TRPM7: variants seen among roughly 807,000 people sequenced by gnomAD.
TRPM7 encodes transient receptor potential cation channel subfamily M member 7.
Under a neutral mutation model 229.7 loss-of-function variants are expected in TRPM7, and 134 were observed. The ratio of observed to expected loss-of-function variants is 0.58; its 90% CI spans 0.51 to 0.67. The LOEUF (loss-of-function observed/expected upper bound fraction) is 0.67. Among genes scored for constraint, TRPM7 ranks in the 30% least tolerant of loss-of-function variants. The pLI, the probability that TRPM7 is intolerant of heterozygous loss-of-function variation, is 0.00. For synonymous variants in TRPM7, 699 were observed against 715.2 expected, an observed-to-expected ratio of 0.98 and a Z score of 0.36; for missense variants, 1,901 against 2,210.0, an observed-to-expected ratio of 0.86 and a Z score of 2.80.
chr15:50,625,728 T>C (rs2060539371), intron 11 of TRPM7, among the ~76,000 whole-genome samples: 3 of 152,204 alleles, frequency 2.0e-5, no homozygotes, highest in Admixed American at 2.0e-4. Context: ...TGATGAAATG[T>C]ATGCCTTTTA....
intron 8 of TRPM7, 43 bp downstream of exon 8, chr15:50,634,338 TA>T: frequency 7.5e-7 from 1 of 1,333,920 alleles, no homozygotes; most frequent in African/African-American, 1.6e-5. Context: ...AATAAATAAA[TA>T]AATAAATAAA....
intron 3 of TRPM7, among the ~76,000 whole-genome samples, chr15:50,653,989 C>CTAGGACTTAGGTATCCTTGA (rs1464839887): frequency 6.6e-6 from 1 of 152,082 alleles, no homozygotes; most frequent in Admixed American, 6.6e-5. Context: ...GAGGAAGGTC[C>CTAGGACTTAGGTATCCTTGA]ACATCCTAGG....
At chr15:50,589,446 A>G in intron 27 of TRPM7, 146 bp downstream of exon 27, 1 of 558,224 alleles carries the variant, frequency 1.8e-6, no homozygotes, top group African/African-American at 2.0e-5. Flanking sequence ...CAAACTGAGG[A>G]CAGCTTCAAA....
intron 1 of TRPM7, among the ~76,000 whole-genome samples, chr15:50,684,403 A>C (rs570113403): frequency 1.6e-4 from 25 of 152,244 alleles, no homozygotes; most frequent in Non-Finnish European, 2.9e-4. Context: ...ACACTTTGGG[A>C]GGTGAGACAG....
chr15:50,626,678 T>A (rs1174032542), intron 11 of TRPM7, among the ~76,000 whole-genome samples: 1 of 152,138 alleles, frequency 6.6e-6, no homozygotes, highest in Non-Finnish European at 1.5e-5. Context: ...AAAAATAAGG[T>A]TGGTTATAGT....
intron 2 of TRPM7, among the ~76,000 whole-genome samples, chr15:50,662,080 C>A (rs373413576): frequency 6.6e-6 from 1 of 151,668 alleles, no homozygotes; most frequent in East Asian, 1.9e-4. Flanking sequence ...TAGGGCTGGG[C>A]GCGGTGGCTC....
At chr15:50,625,304 G>T (rs2060524330) in intron 11 of TRPM7, among the ~76,000 whole-genome samples, 1 of 151,994 alleles carries the variant, frequency 6.6e-6, no homozygotes, top group Non-Finnish European at 1.5e-5. Flanking sequence ...TATCTTCAGA[G>T]GTTTAACACA....
intron 36 of TRPM7, among the ~76,000 whole-genome samples, chr15:50,573,393 A>T (rs2053981158): frequency 6.6e-6 from 1 of 152,230 alleles, no homozygotes; most frequent in South Asian, 2.1e-4. Flanking sequence ...GACAGAGAAC[A>T]CTGAAGAACT....
intron 1 of TRPM7, among the ~76,000 whole-genome samples, chr15:50,673,652 C>T (rs1384296640): frequency 6.7e-6 from 1 of 149,488 alleles, no homozygotes; most frequent in Non-Finnish European, 1.5e-5. Context: ...ATATATATAC[C>T]ACAGTTTCTT....
At chr15:50,568,909 G>A (rs890674672) in intron 38 of TRPM7, among the ~76,000 whole-genome samples, 1 of 152,124 alleles carries the variant, frequency 6.6e-6, no homozygotes, top group African/African-American at 2.4e-5. Flanking sequence ...CTTGAGCCTG[G>A]GAGGTGGAAG....
chr15:50,620,426 T>C (rs2060360360), intron 12 of TRPM7, among the ~76,000 whole-genome samples: 1 of 152,174 alleles, frequency 6.6e-6, no homozygotes, highest in African/African-American at 2.4e-5. Flanking sequence ...ACATCCCTGA[T>C]TTAACATTTA....
rs891168850 is a variant in TRPM7, at chr15:50,686,765, G to A, written c.-232C>T. 3.5e-5 allele frequency: 17 copies of A among 487,100 alleles called. No individual in the cohort carries two copies. The highest frequency in any genetic ancestry group is 3.3e-4 in the African/African-American group (16 of 48,904). 30.2% of individuals were successfully genotyped at this position (487,100 alleles called of 1,614,324 possible). A position where few individuals can be genotyped will look rare whatever the true frequency, so the allele number is the denominator to read the frequency against. On this transcript the variant is annotated 5_prime_UTR_variant, in exon 1 of 39. Coordinates refer to ENST00000646667, the MANE Select transcript of TRPM7 (RefSeq NM_017672.6). ...GGTGACTGGCCACAGGGACGCGCCC[G>A]CGCCCGCCTCCGCCGGCGACGGGGC...
chr15:50,570,260 T>C, intron 36 of TRPM7, 105 bp from the exon 37 acceptor site: 3 of 798,546 alleles, frequency 3.8e-6, no homozygotes, highest in East Asian at 2.7e-5. Flanking sequence ...TATAGTATCA[T>C]CAATCATTAC....
rs775740544 is a variant in TRPM7, at chr15:50,612,694, C to A, written c.1906G>T (p.Val636Phe). 12 of 1,614,024 alleles carry A rather than the reference C, an allele frequency of 7.4e-6. No homozygotes were observed. The Admixed American group carries it at 1.5e-4, about 20-fold the overall frequency. The change falls in exon 16 of 39, where the codon GTC becomes TTC. Residue 636 changes from valine to phenylalanine, a missense_variant. By Grantham distance (50) the Val-to-Phe change is conservative (BLOSUM62 -1). Around this residue, in one of 8 missense-constraint regions of TRPM7, gnomAD observed 794 missense variants for 881.9 expected, o/e 0.90. Transcript: ENST00000646667. Reference sequence around the variant, plus strand: ...TGTTGCCATAAAAAACGGGCCATGACCTGCCTCTTCATAAGGCAAGCCCAA... The same window carrying A: ...TGTTGCCATAAAAAACGGGCCATGAACTGCCTCTTCATAAGGCAAGCCCAA... ...LIWACLMKRQVMARFLWQHGE... is the reference protein window; with the variant it reads ...LIWACLMKRQFMARFLWQHGE...
intron 12 of TRPM7, among the ~76,000 whole-genome samples, chr15:50,620,164 A>AAATT (rs1435685003): frequency 6.6e-6 from 1 of 152,214 alleles, no homozygotes; most frequent in Non-Finnish European, 1.5e-5. Context: ...TTGAGACTTT[A>AAATT]AATATTTTGG....
chr15:50,574,826 A>C, intron 34 of TRPM7, 26 bp downstream of exon 34: 1 of 1,596,390 alleles, frequency 6.3e-7, no homozygotes, highest in South Asian at 1.1e-5. Flanking sequence ...ATTATGTTCC[A>C]CTATTAAATA....
At chr15:50,658,977 T>A (rs1278568769) in intron 2 of TRPM7, among the ~76,000 whole-genome samples, 1 of 152,108 alleles carries the variant, frequency 6.6e-6, no homozygotes, top group African/African-American at 2.4e-5. Context: ...GGCGGGAGGA[T>A]CACGAGGTCA....
rs192711501 is a variant in TRPM7, at chr15:50,653,545, A to G, written c.122+4236T>C. ...CAGGCATTAAACAAGAAGAAACACG[A>G]AGCTGTGATCCTTGAAATGAGGGAA... On this transcript the variant is annotated intron_variant, in intron 3 of 38. Coordinates refer to ENST00000646667, the MANE Select transcript of TRPM7 (RefSeq NM_017672.6). Among the ~76,000 whole-genome samples, 4 of 152,316 alleles carry G rather than the reference A, an allele frequency of 2.6e-5. No homozygotes were observed. In the East Asian group the frequency reaches 7.7e-4, roughly 29 times the overall value.
chr15:50,605,934 G>A (rs950330239), intron 20 of TRPM7, among the ~76,000 whole-genome samples: 1 of 151,918 alleles, frequency 6.6e-6, no homozygotes, highest in South Asian at 2.1e-4. Flanking sequence ...GTTCGAGTTG[G>A]TGTTTGGAAA....
Sources: gnomAD v4.1 joint callset for allele counts (sites outside exome capture counted in the v4.1 genomes callset) on GRCh38, gnomAD v4.1.1 for gene constraint, gnomAD v4.1.1 regional missense constraint, MANE v1.5 for transcripts, NCBI Gene and HGNC (gene_info 2026-07-23, HGNC 2026-07-21) for gene names.